The following GPT2 variants were observed in gnomAD, a reference collection of about 807,000 sequenced individuals.
GPT2 encodes glutamic--pyruvic transaminase 2.
GPT2 carries 30 observed loss-of-function variants against 56.9 expected under a neutral mutation model. That is an observed-to-expected ratio of 0.53 (90% CI 0.39 to 0.72). The LOEUF (loss-of-function observed/expected upper bound fraction) is 0.72, where lower values mean the gene tolerates loss of function less well. Ranked by LOEUF, GPT2 falls within the 30% of genes least tolerant of loss-of-function variation. The pLI is 0.00. For synonymous variants in GPT2, 271 were observed against 283.1 expected (o/e 0.96, Z 0.43); for missense variants, 542 against 703.4 (o/e 0.77, Z 2.60).
At chr16:46,896,270 C>T (rs1408811498) in intron 2 of GPT2, among the ~76,000 whole-genome samples, 1 of 152,158 alleles carries the variant, frequency 6.6e-6, no homozygotes, top group Non-Finnish European at 1.5e-5. Flanking sequence ...TTCCAGGTCC[C>T]TGTAATTCTC....
rs1463164105 is a variant in GPT2 at position 46,884,811 on chromosome 16, G to C, written c.96G>C (p.Ser32=). Residue 32 remains serine (S), a synonymous_variant, in exon 2 of 12, where the codon TCG becomes TCC. Coordinates refer to ENST00000340124, the MANE Select transcript of GPT2 (RefSeq NM_133443.4). ...AGAGCAGCGCGGCCGCCGAGGCCTC[G>C]GCGGTGCTCAAGGTGCGGCCCGAGC... ...RSQSSAAAEA[S]AVLKVRPERS... is the part of the protein sequence containing the mutation. The C allele has an allele frequency of 3.3e-6, 5 of 1,527,446 alleles. No homozygotes were observed. Among genetic ancestry groups the C allele is most frequent in the Non-Finnish European group, 3.5e-6 (4 of 1,137,644 alleles). The allele number at this position is 1,527,446 out of a possible 1,614,324, so 94.6% of individuals were successfully genotyped here.
chr16:46,904,447 A>G (rs1221669847), intron 4 of GPT2, among the ~76,000 whole-genome samples: 1 of 152,208 alleles, frequency 6.6e-6, no homozygotes, highest in Non-Finnish European at 1.5e-5. Flanking sequence ...AACTGGAGAA[A>G]TTATAGGCTG....
chr16:46,896,184 C>T (rs1406339158), intron 2 of GPT2, among the ~76,000 whole-genome samples: 1 of 152,214 alleles, frequency 6.6e-6, no homozygotes, highest in Non-Finnish European at 1.5e-5. Context: ...CCTGGGAAGT[C>T]CTTGAACCTG....
At chr16:46,917,424 T>C (rs1961190070) in intron 7 of GPT2, among the ~76,000 whole-genome samples, 1 of 152,166 alleles carries the variant, frequency 6.6e-6, no homozygotes, top group African/African-American at 2.4e-5. Context: ...AGCGCTTCTG[T>C]ATCTACTGTC....
intron 11 of GPT2, among the ~76,000 whole-genome samples, chr16:46,927,327 G>A (rs972607460): frequency 6.6e-6 from 1 of 152,216 alleles, no homozygotes; most frequent in Non-Finnish European, 1.5e-5. Flanking sequence ...GTTCCTAGTA[G>A]GGTGTTTTCT....
intron 2 of GPT2, among the ~76,000 whole-genome samples, chr16:46,887,215 T>C (rs1960500275): frequency 6.6e-6 from 1 of 152,130 alleles, no homozygotes; most frequent in Non-Finnish European, 1.5e-5. Context: ...ACGCCTGTAA[T>C]CTCAGCACTT....
Position 46,909,987 on chromosome 16 carries a change from G to C in GPT2, c.820+60G>C, listed in dbSNP as rs2143476373. The C allele has an allele frequency of 1.8e-5, 27 of 1,514,996 alleles. No individual in the cohort carries two copies. In the South Asian group the frequency reaches 3.6e-4, roughly 20 times the overall value. 93.8% of individuals were successfully genotyped at this position (1,514,996 alleles called of 1,614,324 possible). A position where few individuals can be genotyped will look rare whatever the true frequency, so the allele number is the denominator to read the frequency against. On this transcript the variant is annotated intron_variant, in intron 6 of 11. Transcript: ENST00000340124. ...GGTGGGGGTGGCTGATACACTGGCT[G>C]TCTAGAAACCAGAGTTAAATAATTG...
At chr16:46,920,533 A>G (rs1232000629) in intron 8 of GPT2, among the ~76,000 whole-genome samples, 1 of 152,256 alleles carries the variant, frequency 6.6e-6, no homozygotes, top group African/African-American at 2.4e-5. Context: ...GTGGGTTTGC[A>G]GCAAAGGGCA....
In GPT2 at chr16:46,929,868, C is replaced by G. The variant is rs1961502092; in HGVS notation, c.*871C>G. On this transcript the variant is annotated 3_prime_UTR_variant, in exon 12 of 12. Coordinates refer to ENST00000340124, the MANE Select transcript of GPT2 (RefSeq NM_133443.4). ...GCGGGTGACCGGTGCCTGTTCTCCC[C>G]TGACCGAGCCTGTGAGCACATCGCC... 1 of 152,486 alleles carries G rather than the reference C, an allele frequency of 6.6e-6. No individual in the cohort carries two copies. The highest frequency in any genetic ancestry group is 1.5e-5 in the Non-Finnish European group (1 of 68,248). The allele number at this position is 152,486 out of a possible 1,614,324, so 9.4% of individuals were successfully genotyped here. A position where few individuals can be genotyped will look rare whatever the true frequency, so the allele number is the denominator to read the frequency against.
At chr16:46,900,253 G>C (rs183359928) in intron 3 of GPT2, among the ~76,000 whole-genome samples, 63 of 152,218 alleles carry the variant, frequency 4.1e-4, no homozygotes, top group Admixed American at 2.0e-3. Flanking sequence ...AGGAATGCAG[G>C]GGGAGGGGGC....
chr16:46,910,628 C>T lies in GPT2; in HGVS notation c.820+701C>T, dbSNP rs534911901. ...ATTATTTTATAGAGATTGGGTCTTA[C>T]TCTGTGGCTCCAGGCCTGGCTGAAG... is the stretch of plus-strand genomic sequence containing the variant. On this transcript the variant is annotated intron_variant, in intron 6 of 11. Coordinates refer to ENST00000340124, the MANE Select transcript of GPT2 (RefSeq NM_133443.4). Among the ~76,000 whole-genome samples the T allele has an allele frequency of 1.1e-4, 16 of 152,212 alleles. No homozygotes were observed. The East Asian group carries it at 1.5e-3, about 15-fold the overall frequency.
intron 4 of GPT2, among the ~76,000 whole-genome samples, chr16:46,902,716 C>A (rs534729865): frequency 6.6e-6 from 1 of 152,210 alleles, no homozygotes; most frequent in East Asian, 2.0e-4. Context: ...ACCTCTGCCT[C>A]CCGGGTTCAA....
At chr16:46,918,796 G>T in intron 8 of GPT2, 39 bp downstream of exon 8, 1 of 1,608,824 alleles carries the variant, frequency 6.2e-7, no homozygotes. Flanking sequence ...TGCTGGGCCT[G>T]CCAGATCCTC....
At chr16:46,909,589 G>T in intron 5 of GPT2, 95 bp from the exon 6 acceptor site, 1 of 1,424,146 alleles carries the variant, frequency 7.0e-7, no homozygotes, top group Non-Finnish European at 9.6e-7. Flanking sequence ...CTTGCACAGA[G>T]TTGGACTGGA....
In GPT2 at chr16:46,884,975, C is replaced by T; in HGVS notation, c.243+17C>T. On this transcript the variant is annotated intron_variant, in intron 2 of 11. Coordinates refer to ENST00000340124, the MANE Select transcript of GPT2 (RefSeq NM_133443.4). ...CTGCAGCGGGTGAGCGCGCGCTGGG[C>T]CCCGGGGAGGCTGGGGCCGCTGAGC... The T allele has an allele frequency of 2.7e-6, 4 of 1,466,394 alleles. No homozygotes were observed. The highest frequency in any genetic ancestry group is 3.6e-6 in the Non-Finnish European group (4 of 1,101,154). The allele number at this position is 1,466,394 out of a possible 1,614,324, so 90.8% of individuals were successfully genotyped here.
Position 46,924,215 on chromosome 16 carries a change from T to C in GPT2, c.1213-174T>C, listed in dbSNP as rs1310846650. 11 of 722,312 alleles carry C rather than the reference T, an allele frequency of 1.5e-5. No homozygotes were observed. The East Asian group carries it at 3.0e-4, about 20-fold the overall frequency. The allele number at this position is 722,312 out of a possible 1,614,324, so 44.7% of individuals were successfully genotyped here. A position where few individuals can be genotyped will look rare whatever the true frequency, so the allele number is the denominator to read the frequency against. On this transcript the variant is annotated intron_variant, in intron 9 of 11. Transcript: ENST00000340124. ...CCGTCTGTGTGGTGTGCATGGGGCA[T>C]GTGACCCAGGCAGAGCAAATCTGAG...
In GPT2 at chr16:46,914,981, A is replaced by T. The variant is rs567125311; in HGVS notation, c.821-1647A>T. Among the ~76,000 whole-genome samples, 11 of 152,210 alleles carry T rather than the reference A, an allele frequency of 7.2e-5. No individual in the cohort carries two copies. In the East Asian group the frequency reaches 1.2e-3, roughly 16 times the overall value. On this transcript the variant is annotated intron_variant, in intron 6 of 11. Coordinates refer to ENST00000340124, the MANE Select transcript of GPT2 (RefSeq NM_133443.4). Reference sequence around the variant, plus strand: ...CACCCAGGCTGGAGTGCAGTGGCACAGTCATAGCTCACTGCAGCCTCAAAC... The same window carrying T: ...CACCCAGGCTGGAGTGCAGTGGCACTGTCATAGCTCACTGCAGCCTCAAAC...
At chr16:46,893,352 C>CG (rs1227759375) in intron 2 of GPT2, among the ~76,000 whole-genome samples, 3 of 151,914 alleles carry the variant, frequency 2.0e-5, no homozygotes, top group African/African-American at 7.3e-5. Context: ...AGGATGGTCT[C>CG]GATCTGCTGA....
intron 8 of GPT2, among the ~76,000 whole-genome samples, chr16:46,920,851 G>A (rs1012796154): frequency 3.9e-5 from 6 of 152,028 alleles, no homozygotes; most frequent in African/African-American, 9.7e-5. Flanking sequence ...ACTCAAGCAT[G>A]TTTACCACAC....
Sources: allele counts gnomAD v4.1 joint callset (sites outside exome capture counted in the v4.1 genomes callset), GRCh38; gene constraint gnomAD v4.1.1; transcripts MANE v1.5; gene names NCBI Gene and HGNC (gene_info 2026-07-23, HGNC 2026-07-21).